HYAL3: variants seen among roughly 807,000 people sequenced by gnomAD.
The protein encoded by HYAL3 is hyaluronidase 3.
A neutral mutation model predicts 29.6 loss-of-function variants in HYAL3; 25 were observed. The ratio of observed to expected loss-of-function variants is 0.85; its 90% CI spans 0.62 to 1.18. HYAL3 has a LOEUF of 1.18. Ranked by LOEUF, HYAL3 falls within the 50% of genes most tolerant of loss-of-function variation. HYAL3 has a pLI of 0.00. For missense variants in HYAL3, 442 were observed against 548.4 expected (o/e 0.81, Z 1.94); for synonymous variants, 215 against 218.3 (o/e 0.99, Z 0.13).
At chr3:50,295,655 CAGCT>C in intron 1 of HYAL3, 36 bp from the exon 2 acceptor site, 1 of 1,475,132 alleles carries the variant, frequency 6.8e-7, no homozygotes, top group Non-Finnish European at 9.0e-7. Flanking sequence ...TTAGAGTCCG[CAGCT>C]ATGGCCACAC....
At chr3:50,298,766 A>G in intron 1 of HYAL3, 1 of 1,056,990 alleles carries the variant, frequency 9.5e-7, no homozygotes, top group Non-Finnish European at 1.1e-6. Context: ...GGTCAGTAAC[A>G]GGCACCCCCC....
chr3:50,293,665 C>T lies in HYAL3; in HGVS notation c.951G>A (p.Val317=). The part of the protein sequence containing the change: ...VSAALGAAGV[V]LWGDLSLSSS... Reference sequence around the variant, plus strand: ...TGGAGAGGCTCAGGTCCCCCCAGAGCACCACGCCGGCTGCCCCTAGTGCTG... The same window carrying T: ...TGGAGAGGCTCAGGTCCCCCCAGAGTACCACGCCGGCTGCCCCTAGTGCTG... Residue 317 remains valine, a synonymous_variant, in exon 3 of 4, where the codon GTG becomes GTA. Coordinates refer to ENST00000336307, the MANE Select transcript of HYAL3 (RefSeq NM_003549.4). 1 of 1,613,844 alleles carries T rather than the reference C, an allele frequency of 6.2e-7. No individual in the cohort carries two copies. The highest frequency in any genetic ancestry group is 8.5e-7 in the Non-Finnish European group (1 of 1,180,036).
rs1415491712 is a variant in HYAL3, at chr3:50,297,420, T to C, written c.-18+1793A>G. ...GGGCAGCTTTGGCTGGCACGCAGGATCCAGAGTCAGCTCAGCTGGGCTGGT... is the reference window on the plus strand; with the variant it reads ...GGGCAGCTTTGGCTGGCACGCAGGACCCAGAGTCAGCTCAGCTGGGCTGGT... On this transcript the variant is annotated intron_variant, in intron 1 of 3. Coordinates refer to ENST00000336307, the MANE Select transcript of HYAL3 (RefSeq NM_003549.4). This position sits in a 1 kb window ranked among gnomAD's most constrained non-coding sequence, Gnocchi z 4.3. The C allele has an allele frequency of 5.0e-6, 8 of 1,612,878 alleles. No homozygotes were observed. The highest frequency in any genetic ancestry group is 2.2e-5 in the East Asian group (1 of 44,886).
rs782408874 is a variant in HYAL3, at chr3:50,297,436, C to T, written c.-18+1777G>A. 6 of 1,611,446 alleles carry T rather than the reference C, an allele frequency of 3.7e-6. No homozygotes were observed. The South Asian group carries it at 6.6e-5, about 18-fold the overall frequency. On this transcript the variant is annotated intron_variant, in intron 1 of 3. Transcript: ENST00000336307. This position sits in a 1 kb window ranked among gnomAD's most constrained non-coding sequence, Gnocchi z 4.3. ...CACGCAGGATCCAGAGTCAGCTCAGCTGGGCTGGTACTCAGGATCAGCTCC... is the reference window on the plus strand; with the variant it reads ...CACGCAGGATCCAGAGTCAGCTCAGTTGGGCTGGTACTCAGGATCAGCTCC...
Position 50,299,312 on chromosome 3 carries a change from C to A in HYAL3, c.-117G>T, listed in dbSNP as rs782547364. 1,028 of 1,606,880 alleles carry A rather than the reference C, an allele frequency of 6.4e-4. No homozygotes were observed. Among genetic ancestry groups the A allele is most frequent in the Non-Finnish European group, 8.1e-4 (959 of 1,177,640 alleles). On this transcript the variant is annotated 5_prime_UTR_variant, in exon 1 of 4. Coordinates refer to ENST00000336307, the MANE Select transcript of HYAL3 (RefSeq NM_003549.4). The stretch of plus-strand genomic sequence containing the variant: ...GGACTCCTCGGTCCGACAACGTTGG[C>A]CCCCAGCGGTGCGGCGGATGTTCTG...
rs782682787 is a variant in HYAL3 at position 50,293,188 on chromosome 3, T to A, written c.*58A>T. On this transcript the variant is annotated 3_prime_UTR_variant, in exon 4 of 4. Coordinates refer to ENST00000336307, the MANE Select transcript of HYAL3 (RefSeq NM_003549.4). Reference sequence around the variant, plus strand: ...TAGAGCAAGAGTGGGACAGAGTAGTTCCAGGACTGGAAAAGTGGCAGCAGG... The same window carrying A: ...TAGAGCAAGAGTGGGACAGAGTAGTACCAGGACTGGAAAAGTGGCAGCAGG... 16 of 1,608,690 alleles carry A rather than the reference T, an allele frequency of 9.9e-6. No individual in the cohort carries two copies. In the South Asian group the frequency reaches 1.8e-4, roughly 18 times the overall value.
At chr3:50,294,573 A>G in intron 2 of HYAL3, 136 bp downstream of exon 2, 1 of 647,482 alleles carries the variant, frequency 1.5e-6, no homozygotes, top group Non-Finnish European at 2.3e-6. Context: ...CTCCCTCATC[A>G]GATGCTCCAG....
chr3:50,296,517 G>T, intron 1 of HYAL3: 2 of 1,479,036 alleles, frequency 1.4e-6, no homozygotes, highest in Non-Finnish European at 1.9e-6. Context: ...GGGGCTAGGG[G>T]CTGAGGTATG....
chr3:50,293,824 C>G, intron 2 of HYAL3, 103 bp from the exon 3 acceptor site: 1 of 1,049,670 alleles, frequency 9.5e-7, no homozygotes, highest in Non-Finnish European at 1.5e-6. Context: ...CAATCTGATT[C>G]TAACTCTACA....
Position 50,295,167 on chromosome 3 carries a change from G to A in HYAL3, c.436C>T (p.Gln146Ter). Residue 146 changes from glutamine to a stop codon, truncating the protein, a stop_gained, in exon 2 of 4, where the codon CAG becomes TAG. Transcript: ENST00000336307. LOFTEE classifies it high-confidence loss of function. ...AGNWGRRRAY[Q>*]AASWAWAQQV... ...TGTGCCCAAGCCCAAGAGGCTGCCT[G>A]ATAAGCTCGGCGGCGGCCCCAGTTC... 6.2e-7 allele frequency: 1 copy of A among 1,613,498 alleles called. No individual in the cohort carries two copies. The highest frequency in any genetic ancestry group is 8.5e-7 in the Non-Finnish European group (1 of 1,180,038).
chr3:50,293,129 G>T lies in HYAL3; in HGVS notation c.*117C>A. 1 of 1,520,020 alleles carries T rather than the reference G, an allele frequency of 6.6e-7. No homozygotes were observed. The highest frequency in any genetic ancestry group is 9.1e-7 in the Non-Finnish European group (1 of 1,098,148). 94.2% of individuals were successfully genotyped at this position (1,520,020 alleles called of 1,614,324 possible). A position where few individuals can be genotyped will look rare whatever the true frequency, so the allele number is the denominator to read the frequency against. On this transcript the variant is annotated 3_prime_UTR_variant, in exon 4 of 4. Transcript: ENST00000336307. ...CCCTCAGGGATTCCAAGGGAAGCGG[G>T]GTGTGTGCTTGGGAGGGTTGACTGT...
At position 50,297,042 on chromosome 3, in the gene HYAL3, ACT is replaced by A; in HGVS notation, c.-17-1425_-17-1424del. The A allele has an allele frequency of 1.3e-6, 2 of 1,537,302 alleles. No homozygotes were observed. Among genetic ancestry groups the A allele is most frequent in the Non-Finnish European group, 1.7e-6 (2 of 1,145,236 alleles). On this transcript the variant is annotated intron_variant, in intron 1 of 3. Coordinates refer to ENST00000336307, the MANE Select transcript of HYAL3 (RefSeq NM_003549.4). The surrounding 1 kb of genome is among the most constrained non-coding windows in gnomAD (Gnocchi z 4.3). The stretch of plus-strand genomic sequence containing the variant: ...GCCCCTCAGGGCCCGGGCCACCACC[ACT>A]GTCTCCACTAAGAGGCTCTGGGGCT...
Position 50,293,708 on chromosome 3 carries a change from TG to T in HYAL3, c.907del (p.Gln303SerfsTer5). 1 of 1,613,682 alleles carries T rather than the reference TG, an allele frequency of 6.2e-7. No individual in the cohort carries two copies. The highest frequency in any genetic ancestry group is 8.5e-7 in the Non-Finnish European group (1 of 1,180,028). ...GRFLSQDDLV[Q>X]SIGVSAALGA... ...TAGTGCTGCACTCACACCAATGGAC[TG>T]CACAAGGTCATCCTGGAGGCAGAGA... On this transcript the variant is annotated frameshift_variant, in exon 3 of 4. Transcript: ENST00000336307. LOFTEE classifies it high-confidence loss of function.
intron 1 of HYAL3, chr3:50,296,857 G>C: frequency 6.3e-7 from 1 of 1,592,190 alleles, no homozygotes; most frequent in Non-Finnish European, 8.5e-7. Context: ...GCAGGCAGCC[G>C]TCTGCTGGTG....
Position 50,297,630 on chromosome 3 carries a change from T to C in HYAL3, c.-18+1583A>G, listed in dbSNP as rs782608113. 1.4e-6 allele frequency: 2 copies of C among 1,459,060 alleles called. No individual in the cohort carries two copies. The highest frequency in any genetic ancestry group is 1.8e-6 in the Non-Finnish European group (2 of 1,111,260). The allele number at this position is 1,459,060 out of a possible 1,614,324, so 90.4% of individuals were successfully genotyped here. On this transcript the variant is annotated intron_variant, in intron 1 of 3. Transcript: ENST00000336307. This position sits in a 1 kb window ranked among gnomAD's most constrained non-coding sequence, Gnocchi z 4.3. ...GCCAGGCTGGAGGTTAAGACCCCAG[T>C]CTCCAGGCAGTAGCATCTCTTCAGA...
chr3:50,294,666 C>T (rs782534123), intron 2 of HYAL3, 43 bp downstream of exon 2: 1 of 1,465,762 alleles, frequency 6.8e-7, no homozygotes, highest in Non-Finnish European at 9.1e-7. Context: ...AGAACAGGGC[C>T]ATACCTCCTG....
intron 1 of HYAL3, chr3:50,298,814 C>A (rs782012680): frequency 3.4e-6 from 4 of 1,169,588 alleles, no homozygotes; most frequent in Non-Finnish European, 4.3e-6. Context: ...GGCTGTAAGC[C>A]CCTCACCTGC....
Position 50,295,627 on chromosome 3 carries a change from A to C in HYAL3, c.-17-8T>G, listed in dbSNP as rs1553711009. The C allele has an allele frequency of 1.3e-6, 2 of 1,522,170 alleles. No homozygotes were observed. Among genetic ancestry groups the C allele is most frequent in the South Asian group, 1.3e-5 (1 of 77,728 alleles). The allele number at this position is 1,522,170 out of a possible 1,614,324, so 94.3% of individuals were successfully genotyped here. A position where few individuals can be genotyped will look rare whatever the true frequency, so the allele number is the denominator to read the frequency against. Reference sequence around the variant, plus strand: ...TTCCCCAAGGATGGAAACCTGCAGGAGAGAGGGGGGTGTAAGCTTAGAGTC... The same window carrying C: ...TTCCCCAAGGATGGAAACCTGCAGGCGAGAGGGGGGTGTAAGCTTAGAGTC... On this transcript the variant is annotated splice_region_variant and splice_polypyrimidine_tract_variant and intron_variant, in intron 1 of 3. Coordinates refer to ENST00000336307, the MANE Select transcript of HYAL3 (RefSeq NM_003549.4).
At chr3:50,295,661 T>C (rs1054920272) in intron 1 of HYAL3, 42 bp from the exon 2 acceptor site, 4 of 1,456,500 alleles carry the variant, frequency 2.7e-6, no homozygotes, top group South Asian at 2.9e-5. Context: ...TCCGCAGCTA[T>C]GGCCACACCT....
Sources: allele counts gnomAD v4.1 joint callset, GRCh38; gene constraint gnomAD v4.1.1; non-coding constraint Gnocchi (gnomAD v3.1); transcripts MANE v1.5; gene names NCBI Gene and HGNC (gene_info 2026-07-23, HGNC 2026-07-21).